The following UMAD1 variants were observed in gnomAD, a reference collection of about 807,000 sequenced individuals.
The protein encoded by UMAD1 is UBAP1-MVB12-associated (UMA)-domain containing protein 1.
UMAD1 carries 8 observed loss-of-function variants against 6.1 expected under a neutral mutation model. The ratio of observed to expected loss-of-function variants is 1.30; its 90% confidence interval spans 0.76 to 2.35. The LOEUF (loss-of-function observed/expected upper bound fraction) is 2.35. Among genes scored for constraint, UMAD1 ranks in the 30% most tolerant of loss-of-function variants. The pLI is 0.00. For synonymous variants in UMAD1, 56 were observed against 31.4 expected (o/e 1.78, Z -2.61); for missense variants, 130 against 78.4 (o/e 1.66, Z -2.49).
intron 2 of UMAD1, among the ~76,000 whole-genome samples, chr7:7,685,102 A>G (rs529426689): frequency 1.4e-4 from 21 of 152,196 alleles, no homozygotes; most frequent in Admixed American, 4.6e-4. Flanking sequence ...TGAGGATGAG[A>G]CTCTAAGTAA....
At chr7:7,853,928 T>C (rs557670469) in intron 3 of UMAD1, among the ~76,000 whole-genome samples, 1 of 152,310 alleles carries the variant, frequency 6.6e-6, no homozygotes, top group East Asian at 1.9e-4. Context: ...CCATTAATAA[T>C]GTTGTCAGCT....
intron 1 of UMAD1, among the ~76,000 whole-genome samples, chr7:7,664,675 G>A (rs145398908): frequency 0.01 from 1,547 of 152,168 alleles, 9 homozygotes; most frequent in Middle Eastern, 0.031. Context: ...TAAACTCAAG[G>A]CTACCTAGTC....
chr7:7,703,198 C>G (rs1390811970), intron 2 of UMAD1, among the ~76,000 whole-genome samples: 1 of 152,162 alleles, frequency 6.6e-6, no homozygotes, highest in Non-Finnish European at 1.5e-5. Context: ...TTAAAATCCA[C>G]TTGATGTTTG....
intron 2 of UMAD1, among the ~76,000 whole-genome samples, chr7:7,709,240 T>G (rs1780687579): frequency 6.6e-6 from 1 of 152,226 alleles, no homozygotes; most frequent in Non-Finnish European, 1.5e-5. Flanking sequence ...AATAATGTTA[T>G]GCATGGGGTT....
chr7:7,855,917 A>G (rs1352335270), intron 3 of UMAD1, among the ~76,000 whole-genome samples: 1 of 152,216 alleles, frequency 6.6e-6, no homozygotes, highest in Non-Finnish European at 1.5e-5. Flanking sequence ...TCTCTAGGGC[A>G]AGGACAAAAT....
chr7:7,696,825 T>C (rs1780330823), intron 2 of UMAD1, among the ~76,000 whole-genome samples: 1 of 152,012 alleles, frequency 6.6e-6, no homozygotes, highest in African/African-American at 2.4e-5. Flanking sequence ...ATGTTCTCTC[T>C]TTTTCTTTCT....
At chr7:7,644,367 T>TA (rs1785048483) in intron 1 of UMAD1, among the ~76,000 whole-genome samples, 3 of 151,324 alleles carry the variant, frequency 2.0e-5, no homozygotes, top group Admixed American at 2.0e-4. Context: ...TTTTTTTTTT[T>TA]ATTAGGAAGA....
intron 2 of UMAD1, among the ~76,000 whole-genome samples, chr7:7,793,057 C>A (rs1782600499): frequency 6.6e-6 from 1 of 152,140 alleles, no homozygotes; most frequent in South Asian, 2.1e-4. Context: ...CACTTTCAGT[C>A]CATAGATTCT....
intron 2 of UMAD1, among the ~76,000 whole-genome samples, chr7:7,698,203 A>G (rs562032443): frequency 6.6e-6 from 1 of 152,230 alleles, no homozygotes; most frequent in African/African-American, 2.4e-5. Flanking sequence ...TATATGCTTC[A>G]TTAGTGTTTT....
chr7:7,845,181 A>T (rs1451428723), intron 3 of UMAD1, among the ~76,000 whole-genome samples: 1 of 152,066 alleles, frequency 6.6e-6, no homozygotes, highest in African/African-American at 2.4e-5. Context: ...TTCATTAATA[A>T]TTTTTTATAC....
At chr7:7,806,913 A>T (rs912185977) in intron 3 of UMAD1, among the ~76,000 whole-genome samples, 13 of 152,216 alleles carry the variant, frequency 8.5e-5, no homozygotes, top group Non-Finnish European at 1.0e-4. Flanking sequence ...TGTAGTTGCC[A>T]AAATATAGCT....
In UMAD1 at chr7:7,760,386, C is replaced by T. The variant is rs1280687248; in HGVS notation, c.83-41284C>T. 3.4e-5 allele frequency among the ~76,000 whole-genome samples: 5 copies of T among 148,770 alleles called. No individual in the cohort carries two copies. In the Admixed American group the frequency reaches 3.4e-4, roughly 10 times the overall value. On this transcript the variant is annotated intron_variant, in intron 2 of 3. Coordinates refer to ENST00000682710, the MANE Select transcript of UMAD1 (RefSeq NM_001302348.2). ...CCTGGCTAACACGGTGAAACCCTGT[C>T]TCTACTAAAAATACAAAAAAATACA...
intron 1 of UMAD1, among the ~76,000 whole-genome samples, chr7:7,644,382 T>A (rs1785048934): frequency 6.6e-6 from 1 of 151,956 alleles, no homozygotes; most frequent in African/African-American, 2.4e-5. Flanking sequence ...GGAAGACCTC[T>A]TTTAATATAG....
intron 2 of UMAD1, among the ~76,000 whole-genome samples, chr7:7,745,975 A>G (rs1174870658): frequency 1.3e-5 from 2 of 152,040 alleles, no homozygotes; most frequent in African/African-American, 2.4e-5. Flanking sequence ...GGCTCAAGAG[A>G]TCCTCCCACC....
intron 1 of UMAD1, among the ~76,000 whole-genome samples, chr7:7,668,342 C>T (rs1473774253): frequency 6.6e-6 from 1 of 152,082 alleles, no homozygotes; most frequent in East Asian, 1.9e-4. Context: ...TTTACTGTTT[C>T]AGTTACTTAT....
chr7:7,694,663 T>C (rs1583745505), intron 2 of UMAD1, among the ~76,000 whole-genome samples: 1 of 152,294 alleles, frequency 6.6e-6, no homozygotes, highest in South Asian at 2.1e-4. Context: ...GCCTGACTTA[T>C]TTCACTTAAC....
chr7:7,850,723 A>T (rs1783896288), intron 3 of UMAD1, among the ~76,000 whole-genome samples: 1 of 151,090 alleles, frequency 6.6e-6, no homozygotes, highest in Non-Finnish European at 1.5e-5. Context: ...AATGTGATGG[A>T]AGAGCTTGAT....
At chr7:7,813,268 A>C (rs1458126560) in intron 3 of UMAD1, among the ~76,000 whole-genome samples, 4 of 152,066 alleles carry the variant, frequency 2.6e-5, no homozygotes, top group African/African-American at 9.7e-5. Context: ...CAGGCTGGAC[A>C]ACCTTGGCTC....
At chr7:7,748,103 A>ATTTTTTTTTTTT (rs35368211) in intron 2 of UMAD1, among the ~76,000 whole-genome samples, 44 of 140,160 alleles carry the variant, frequency 3.1e-4, no homozygotes, top group Middle Eastern at 7.1e-3. Flanking sequence ...CGCCCAGCTA[A>ATTTTTTTTTTTT]TTTTTTTTTT....
Sources: gnomAD v4.1 joint callset for allele counts (sites outside exome capture counted in the v4.1 genomes callset) on GRCh38, gnomAD v4.1.1 for gene constraint, MANE v1.5 for transcripts, NCBI Gene and HGNC (gene_info 2026-07-23, HGNC 2026-07-21) for gene names.